The following RHOH variants were observed in gnomAD, a reference collection of about 807,000 sequenced individuals.
The protein encoded by RHOH is rho-related GTP-binding protein RhoH.
In RHOH, 6 loss-of-function variants were observed where a neutral mutation model predicts 13.8. The observed-to-expected ratio is 0.44, with a 90% CI of 0.24 to 0.86. The LOEUF (loss-of-function observed/expected upper bound fraction) is 0.86. RHOH is among the 40% of genes least tolerant of loss of function. The pLI, the probability that RHOH is intolerant of heterozygous loss-of-function variation, is 0.24. For synonymous variants in RHOH, 117 were observed against 103.0 expected, an observed-to-expected ratio of 1.14 and a Z score of -0.82; for missense variants, 147 against 244.5, an observed-to-expected ratio of 0.60 and a Z score of 2.66.
chr4:40,227,913 C>CAGTG (rs1488369456), intron 1 of RHOH, among the ~76,000 whole-genome samples: 1 of 152,078 alleles, frequency 6.6e-6, no homozygotes, highest in African/African-American at 2.4e-5. Context: ...TAGAGAGATG[C>CAGTG]AGTGATAGGC....
chr4:40,246,470 G>C lies in RHOH; in HGVS notation c.*2508G>C, dbSNP rs1190234730. The C allele has an allele frequency of 6.6e-6, 1 of 152,166 alleles. No individual in the cohort carries two copies. Among genetic ancestry groups the C allele is most frequent in the Non-Finnish European group, 1.5e-5 (1 of 68,036 alleles). The allele number at this position is 152,166 out of a possible 1,614,324, so 9.4% of individuals were successfully genotyped here. ...CTGTTGGCGGGAGCCAAGCTTAACA[G>C]CTCCGTCTGGGAACTCTCATACCTG... On this transcript the variant is annotated 3_prime_UTR_variant, in exon 3 of 3. Transcript: ENST00000381799.
chr4:40,199,052 T>A (rs1274415689), intron 1 of RHOH, among the ~76,000 whole-genome samples: 1 of 152,168 alleles, frequency 6.6e-6, no homozygotes, highest in East Asian at 1.9e-4. Flanking sequence ...TTCTATCATT[T>A]CTGGGCTGTG....
At chr4:40,196,251 G>A (rs1723122549), upstream of RHOH, among the ~76,000 whole-genome samples, 1 of 152,226 alleles carries the variant, frequency 6.6e-6, no homozygotes, top group Non-Finnish European at 1.5e-5. Flanking sequence ...ACCGTGAGCA[G>A]TAGCATCAAC....
chr4:40,201,345 T>C (rs1723958899), intron 1 of RHOH, among the ~76,000 whole-genome samples: 1 of 150,740 alleles, frequency 6.6e-6, no homozygotes, highest in East Asian at 1.9e-4. Flanking sequence ...GGGAACAGGG[T>C]GAATTTTCAA....
intron 1 of RHOH, among the ~76,000 whole-genome samples, chr4:40,230,335 G>A (rs1727771716): frequency 6.6e-6 from 1 of 151,700 alleles, no homozygotes; most frequent in African/African-American, 2.4e-5. Context: ...ATGGCACCCG[G>A]CCTGGACTTT....
At chr4:40,228,569 A>T (rs1481196045) in intron 1 of RHOH, among the ~76,000 whole-genome samples, 1 of 151,988 alleles carries the variant, frequency 6.6e-6, no homozygotes, top group East Asian at 1.9e-4. Context: ...GGGGTTGGGG[A>T]TGGGGGGAAC....
intron 1 of RHOH, among the ~76,000 whole-genome samples, chr4:40,225,815 G>C (rs927101320): frequency 6.6e-6 from 1 of 152,220 alleles, no homozygotes; most frequent in Admixed American, 6.5e-5. Context: ...CTAAGAGAGA[G>C]GTAGGGAGAG....
chr4:40,193,149 G>T (rs931537775), upstream of RHOH: 14 of 152,438 alleles, frequency 9.2e-5, no homozygotes, highest in African/African-American at 3.1e-4. Flanking sequence ...GTGTTAACAC[G>T]ACGTGCTATG....
At chr4:40,231,836 A>G (rs980206887) in intron 1 of RHOH, among the ~76,000 whole-genome samples, 2 of 152,118 alleles carry the variant, frequency 1.3e-5, no homozygotes, top group African/African-American at 4.8e-5. Flanking sequence ...GCCCAGCTTG[A>G]TCTCCCATTC....
upstream of RHOH, among the ~76,000 whole-genome samples, chr4:40,195,618 C>T (rs2109334358): frequency 6.6e-6 from 1 of 152,044 alleles, no homozygotes. Flanking sequence ...GGTTGCCCAG[C>T]TAATTTTTGT....
chr4:40,193,369 C>G (rs546210979), upstream of RHOH, among the ~76,000 whole-genome samples: 2 of 152,190 alleles, frequency 1.3e-5, no homozygotes, highest in Non-Finnish European at 2.9e-5. Flanking sequence ...GGGACACGCC[C>G]TGGGGCTTGG....
intron 1 of RHOH, among the ~76,000 whole-genome samples, chr4:40,225,686 A>G (rs753888200): frequency 7.2e-5 from 11 of 152,206 alleles, no homozygotes; most frequent in Non-Finnish European, 1.5e-4. Context: ...TCAGGCTTGT[A>G]GTAAGAAGGA....
At chr4:40,236,177 C>G (rs1409925007) in intron 1 of RHOH, among the ~76,000 whole-genome samples, 4 of 152,106 alleles carry the variant, frequency 2.6e-5, no homozygotes, top group Non-Finnish European at 5.9e-5. Flanking sequence ...TCTGCCATTC[C>G]TTGCTGTGTG....
intron 1 of RHOH, among the ~76,000 whole-genome samples, chr4:40,214,661 GA>G (rs1237301896): frequency 6.6e-6 from 1 of 152,216 alleles, no homozygotes; most frequent in Non-Finnish European, 1.5e-5. Flanking sequence ...GTCATCCATG[GA>G]AAACAGGCAT....
intron 1 of RHOH, among the ~76,000 whole-genome samples, chr4:40,202,684 T>A (rs1201440351): frequency 6.6e-6 from 1 of 152,056 alleles, no homozygotes; most frequent in East Asian, 1.9e-4. Flanking sequence ...TTAGAGCAGC[T>A]TAAGGAGGAG....
intron 1 of RHOH, among the ~76,000 whole-genome samples, chr4:40,228,344 G>T (rs1323006417): frequency 6.6e-6 from 1 of 151,924 alleles, no homozygotes; most frequent in Non-Finnish European, 1.5e-5. Flanking sequence ...TATCTTCTTT[G>T]GATCAGTGTT....
rs1037665435 is a variant in RHOH at position 40,244,064 on chromosome 4, A to G, written c.*102A>G. ...AAAGCTTGGTGTTTTCTCTGGGTAC[A>G]CCCCAAGCAGCGTCTCCTTTTGGAT... On this transcript the variant is annotated 3_prime_UTR_variant, in exon 3 of 3. Transcript: ENST00000381799. 4 of 927,184 alleles carry G rather than the reference A, an allele frequency of 4.3e-6. No individual in the cohort carries two copies. The highest frequency in any genetic ancestry group is 4.8e-6 in the Non-Finnish European group (3 of 619,654). The allele number at this position is 927,184 out of a possible 1,614,324, so 57.4% of individuals were successfully genotyped here.
At chr4:40,219,593 T>C (rs1455129274) in intron 1 of RHOH, among the ~76,000 whole-genome samples, 1 of 152,148 alleles carries the variant, frequency 6.6e-6, no homozygotes, top group East Asian at 1.9e-4. Context: ...ACTTTTATAC[T>C]TTTAAAATGT....
At chr4:40,231,881 T>C (rs1727988280) in intron 1 of RHOH, among the ~76,000 whole-genome samples, 3 of 152,262 alleles carry the variant, frequency 2.0e-5, no homozygotes, top group African/African-American at 7.2e-5. Flanking sequence ...GAGCTGCCTC[T>C]CACCCTTCTA....
Sources: gnomAD v4.1 joint callset for allele counts (sites outside exome capture counted in the v4.1 genomes callset) on GRCh38, gnomAD v4.1.1 for gene constraint, MANE v1.5 for transcripts, NCBI Gene and HGNC (gene_info 2026-07-23, HGNC 2026-07-21) for gene names.